GSR: variants seen among roughly 807,000 people sequenced by gnomAD.
The protein encoded by GSR is glutathione-disulfide reductase, also known as glutathione reductase, mitochondrial.
A neutral mutation model predicts 56.5 loss-of-function variants in GSR; 48 were observed. The ratio of observed to expected loss-of-function variants is 0.85; its 90% CI spans 0.67 to 1.08. The LOEUF is 1.08. Among genes scored for constraint, GSR ranks in the 50% least tolerant of loss-of-function variants. The probability of loss-of-function intolerance (pLI) is 0.00; values close to 1 mark genes in which losing one functional copy is unlikely to be tolerated. For synonymous variants in GSR, 264 were observed against 270.8 expected (o/e 0.97, Z 0.25); for missense variants, 694 against 703.3 (o/e 0.99, Z 0.15).
rs8190888 is a variant in GSR, at chr8:30,726,713, G to C, written c.306+817C>G. Among the ~76,000 whole-genome samples the C allele has an allele frequency of 1.6e-3, 244 of 152,262 alleles. 8 individuals are homozygous for C. The East Asian group carries it at 0.035, about 22-fold the overall frequency. On this transcript the variant is annotated intron_variant, in intron 1 of 12. Coordinates refer to ENST00000221130, the MANE Select transcript of GSR (RefSeq NM_000637.5). ...GGAGTTCGAGGCTGCAGTGAGCTATGATGGCCACTGCACTCTAGCCTAGGT... is the reference window on the plus strand; with the variant it reads ...GGAGTTCGAGGCTGCAGTGAGCTATCATGGCCACTGCACTCTAGCCTAGGT...
rs556437972 is a variant in GSR, at chr8:30,680,988, C to T, written c.1335G>A (p.Thr445=). 6.3e-5 allele frequency: 102 copies of T among 1,610,036 alleles called. No individual in the cohort carries two copies. The South Asian group carries it at 9.8e-4, about 15-fold the overall frequency. ...CTGCGTGATACATCGGGGTAAAGCT[C>T]GTTGAATAGGTCTTCACATTTTCTA... ...YGIENVKTYS[T]SFTPMYHAVT... Residue 445 remains threonine, a synonymous_variant, in exon 12 of 13, where the codon ACG becomes ACA. Coordinates refer to ENST00000221130, the MANE Select transcript of GSR (RefSeq NM_000637.5).
At chr8:30,721,097 A>G (rs980714928) in intron 1 of GSR, among the ~76,000 whole-genome samples, 86 of 152,248 alleles carry the variant, frequency 5.6e-4, no homozygotes, top group Admixed American at 6.5e-4. Context: ...CCCTGCCTCA[A>G]AAAACAAAAA....
chr8:30,686,822 CTTTTGGTGTTTTT>C (rs1264929447), intron 9 of GSR, among the ~76,000 whole-genome samples: 12 of 150,586 alleles, frequency 8.0e-5, no homozygotes, highest in African/African-American at 2.7e-4. Flanking sequence ...TTGTTGTTTT[CTTTTGGTGTTTTT>C]TTTTGGTTTT....
At chr8:30,687,353 T>C (rs781434198) in intron 9 of GSR, among the ~76,000 whole-genome samples, 2 of 151,918 alleles carry the variant, frequency 1.3e-5, no homozygotes, top group African/African-American at 2.4e-5. Flanking sequence ...CTATCAAATA[T>C]ATACGCCTCA....
rs111859724 is a variant in GSR at position 30,686,466 on chromosome 8, G to A, written c.1042-2267C>T. Among the ~76,000 whole-genome samples the A allele has an allele frequency of 3.1e-3, 470 of 152,078 alleles. 1 individual carries two copies. Among genetic ancestry groups the A allele is most frequent in the Non-Finnish European group, 4.8e-3 (329 of 68,014 alleles). ...TTTGGGAAGCTGAGGTGGAAGGATC[G>A]CTTGAGCCCAGTTCAAAATTAGCCT... On this transcript the variant is annotated intron_variant, in intron 9 of 12. Transcript: ENST00000221130.
Position 30,689,191 on chromosome 8 carries a change from C to T in GSR, c.1011G>A (p.Pro337=), listed in dbSNP as rs772983030. 15 of 1,613,910 alleles carry T rather than the reference C, an allele frequency of 9.3e-6. No individual in the cohort carries two copies. Among genetic ancestry groups the T allele is most frequent in the Admixed American group, 1.7e-5 (1 of 59,982 alleles). Residue 337 remains proline, a synonymous_variant, in exon 9 of 13, where the codon CCG becomes CCA. Transcript: ENST00000221130. ...TGTTTAAACTCAGGTCCTTGGTATT[C>T]GGGACCCGCCCAATGGCCCAGAGCA... ...DCLLWAIGRV[P]NTKDLSLNKL...
In GSR at chr8:30,713,585, A is replaced by T. The variant is rs138105127; in HGVS notation, c.307-1497T>A. On this transcript the variant is annotated intron_variant, in intron 1 of 12. Transcript: ENST00000221130. ...TGTTGGCCAGGCTGGTCTCGAACTC[A>T]TGACCTCAAGTGATCCACACACCTT... Among the ~76,000 whole-genome samples, 419 of 150,712 alleles carry T rather than the reference A, an allele frequency of 2.8e-3. 8 individuals carry two copies. The highest frequency in any genetic ancestry group is 0.02 in the Admixed American group (298 of 15,150).
intron 9 of GSR, among the ~76,000 whole-genome samples, chr8:30,685,526 A>G (rs751839761): frequency 5.9e-5 from 9 of 152,292 alleles, no homozygotes; most frequent in Admixed American, 6.5e-5. Flanking sequence ...AAAAACACAT[A>G]TTGATGTTTC....
At chr8:30,705,275 T>C (rs1225146260) in intron 4 of GSR, among the ~76,000 whole-genome samples, 1 of 152,046 alleles carries the variant, frequency 6.6e-6, no homozygotes, top group Non-Finnish European at 1.5e-5. Flanking sequence ...AAAAATTTTT[T>C]TTTTTGAGAC....
At position 30,679,710 on chromosome 8, in the gene GSR, T is replaced by C. The variant is rs761431319; in HGVS notation, c.1420-41A>G. ...AAACATTTTCTTTTCTTTCTTCTTT[T>C]TTTTTTTTTTTTGAGACGGAGTTTC... On this transcript the variant is annotated intron_variant, in intron 12 of 12. Coordinates refer to ENST00000221130, the MANE Select transcript of GSR (RefSeq NM_000637.5). 1,016 of 1,412,102 alleles carry C rather than the reference T, an allele frequency of 7.2e-4. 4 individuals are homozygous for C. In the African/African-American group the frequency reaches 0.012, roughly 17 times the overall value. The allele number at this position is 1,412,102 out of a possible 1,614,324, so 87.5% of individuals were successfully genotyped here.
chr8:30,710,455 G>A (rs1382010290), intron 2 of GSR, among the ~76,000 whole-genome samples: 1 of 151,558 alleles, frequency 6.6e-6, no homozygotes. Context: ...AGTGGCTCAT[G>A]ACTATAATCC....
intron 8 of GSR, 61 bp downstream of exon 8, chr8:30,692,908 G>A: frequency 9.8e-7 from 1 of 1,020,216 alleles, no homozygotes; most frequent in Admixed American, 1.7e-5. Context: ...ACTGGGCGAA[G>A]CCACAAGCAG....
At chr8:30,720,603 C>T (rs1008607695) in intron 1 of GSR, among the ~76,000 whole-genome samples, 4 of 151,952 alleles carry the variant, frequency 2.6e-5, no homozygotes, top group Admixed American at 6.6e-5. Context: ...CATGTCTCCA[C>T]CTTCAAAGTC....
rs765142616 is a variant in GSR at position 30,727,841 on chromosome 8, C to G, written c.-6G>C. 8.3e-7 allele frequency: 1 copy of G among 1,204,430 alleles called. No individual in the cohort carries two copies. Among genetic ancestry groups the G allele is most frequent in the East Asian group, 3.6e-5 (1 of 27,684 alleles). 74.6% of individuals were successfully genotyped at this position (1,204,430 alleles called of 1,614,324 possible). On this transcript the variant is annotated 5_prime_UTR_variant, in exon 1 of 13. Transcript: ENST00000221130. ...GCTCGGGGCAGCAGGGCCATGCACG[C>G]GGAAGTGGCGCGCCAAGTGGGGCGG... is the stretch of plus-strand genomic sequence containing the variant.
At chr8:30,720,667 A>C (rs374367008) in intron 1 of GSR, among the ~76,000 whole-genome samples, 47 of 62,814 alleles carry the variant, frequency 7.5e-4, no homozygotes, top group Non-Finnish European at 2.1e-3. Flanking sequence ...ACTTGAGAAA[A>C]AGAGAAAAAA....
At chr8:30,690,073 CATAT>C (rs1563529816) in intron 8 of GSR, among the ~76,000 whole-genome samples, 1 of 137,348 alleles carries the variant, frequency 7.3e-6, no homozygotes, top group African/African-American at 2.7e-5. Context: ...ATAAAATATA[CATAT>C]ATAAAATATA....
chr8:30,695,383 G>A (rs1417467852), intron 7 of GSR, among the ~76,000 whole-genome samples: 1 of 151,916 alleles, frequency 6.6e-6, no homozygotes, highest in East Asian at 1.9e-4. Context: ...TTAGTTGCCT[G>A]CCACCATGCC....
chr8:30,727,819 C>T lies in GSR; in HGVS notation c.17G>A (p.Arg6Gln), dbSNP rs1563550254. The T allele has an allele frequency of 2.3e-6, 3 of 1,277,238 alleles. No individual in the cohort carries two copies. Among genetic ancestry groups the T allele is most frequent in the South Asian group, 4.9e-5 (2 of 40,560 alleles). The allele number at this position is 1,277,238 out of a possible 1,614,324, so 79.1% of individuals were successfully genotyped here. Residue 6 changes from arginine (R) to glutamine (Q), a missense_variant, in exon 1 of 13, where the codon CGA becomes CAA. Coordinates refer to ENST00000221130, the MANE Select transcript of GSR (RefSeq NM_000637.5). ...CGGTCCCGCGCCGGCGCTCAGGGCT[C>T]GGGGCAGCAGGGCCATGCACGCGGA... MALLP[R>Q]ALSAGAGPSW... is the part of the protein sequence containing the mutation.
In GSR at chr8:30,682,026, G is replaced by C. The variant is rs1414984872; in HGVS notation, c.1189C>G (p.Leu397Val). ...IAAGRKLAHR[L>V]FEYKEDSKLD... ...TTGGAATCTTCCTTATATTCAAAAAGTCGATGGGCAAGTTTTCGGCCAGCA... is the reference window on the plus strand; with the variant it reads ...TTGGAATCTTCCTTATATTCAAAAACTCGATGGGCAAGTTTTCGGCCAGCA... Residue 397 changes from leucine to valine, a missense_variant, in exon 11 of 13, where the codon CTT becomes GTT. By Grantham distance (32) the Leu-to-Val change is conservative. Transcript: ENST00000221130. 6.2e-7 allele frequency: 1 copy of C among 1,613,408 alleles called. No homozygotes were observed. The highest frequency in any genetic ancestry group is 1.7e-5 in the Admixed American group (1 of 60,002).
Sources: allele counts gnomAD v4.1 joint callset (sites outside exome capture counted in the v4.1 genomes callset), GRCh38; gene constraint gnomAD v4.1.1; transcripts MANE v1.5; gene names NCBI Gene and HGNC (gene_info 2026-07-23, HGNC 2026-07-21).